Variants in TENM3 observed in about 807,000 individuals in gnomAD.
TENM3 encodes teneurin transmembrane protein 3.
TENM3 carries 63 observed loss-of-function variants against 255.1 expected under a neutral mutation model. The observed-to-expected ratio is 0.25, with a 90% CI of 0.20 to 0.30. TENM3 has a LOEUF of 0.30. Among genes scored for constraint, TENM3 ranks in the 10% least tolerant of loss-of-function variants. The pLI, the probability that TENM3 is intolerant of heterozygous loss-of-function variation, is 1.00. For synonymous variants in TENM3, 1,306 were observed against 1,322.3 expected (o/e 0.99, Z 0.27); for missense variants, 2,929 against 3,461.1 (o/e 0.85, Z 3.86).
upstream of TENM3, among the ~76,000 whole-genome samples, chr4:182,241,298 T>C (rs1424814690): frequency 6.6e-6 from 1 of 152,172 alleles, no homozygotes; most frequent in African/African-American, 2.4e-5. Flanking sequence ...CTGACAATGC[T>C]TTCTTCTGAT....
chr4:181,939,535 G>T, the TENM3 span, among the ~76,000 whole-genome samples: 1 of 152,322 alleles, frequency 6.6e-6, no homozygotes, highest in African/African-American at 2.4e-5. Flanking sequence ...AGGGCAAAAC[G>T]GTAAGATCGG....
chr4:181,468,132 C>CA, the TENM3 span, among the ~76,000 whole-genome samples: 321 of 130,720 alleles, frequency 2.5e-3, 2 homozygotes, highest in East Asian at 0.014. Flanking sequence ...CCCATCTGTA[C>CA]AAAAAAAAAA....
the TENM3 span, among the ~76,000 whole-genome samples, chr4:181,628,645 G>A: frequency 6.6e-6 from 1 of 152,156 alleles, no homozygotes; most frequent in Non-Finnish European, 1.5e-5. Context: ...GATGGTTGTA[G>A]ATGTGTGGTA....
the TENM3 span, among the ~76,000 whole-genome samples, chr4:181,890,372 A>G: frequency 1.3e-5 from 2 of 152,174 alleles, no homozygotes; most frequent in African/African-American, 4.8e-5. Context: ...CACTTAATTT[A>G]AAGGAGTACT....
At chr4:181,601,068 A>G in the TENM3 span, among the ~76,000 whole-genome samples, 1 of 152,144 alleles carries the variant, frequency 6.6e-6, no homozygotes, top group African/African-American at 2.4e-5. Context: ...GCCTTGATCT[A>G]AGAGCAATAC....
chr4:182,536,795 A>C (rs1740373191), intron 3 of TENM3, among the ~76,000 whole-genome samples: 1 of 152,224 alleles, frequency 6.6e-6, no homozygotes, highest in Non-Finnish European at 1.5e-5. Flanking sequence ...TATCCATGAA[A>C]ATCTCATCTG....
intron 3 of TENM3, among the ~76,000 whole-genome samples, chr4:182,582,055 G>A (rs1372107837): frequency 1.3e-5 from 2 of 152,102 alleles, no homozygotes; most frequent in East Asian, 3.9e-4. Context: ...TTTCATCTCT[G>A]TTCCCCTATT....
At chr4:181,483,374 A>G in the TENM3 span, among the ~76,000 whole-genome samples, 3 of 152,278 alleles carry the variant, frequency 2.0e-5, no homozygotes, top group Admixed American at 2.0e-4. Flanking sequence ...AGCGAACATC[A>G]TCAGAAAGGA....
At chr4:181,595,594 A>G in the TENM3 span, among the ~76,000 whole-genome samples, 1 of 152,054 alleles carries the variant, frequency 6.6e-6, no homozygotes, top group Non-Finnish European at 1.5e-5. Flanking sequence ...TGAACCAAAA[A>G]TGGTGTTTTA....
chr4:182,017,649 T>C, the TENM3 span, among the ~76,000 whole-genome samples: 1 of 152,306 alleles, frequency 6.6e-6, no homozygotes, highest in African/African-American at 2.4e-5. Flanking sequence ...AGTCCCATAC[T>C]ATAAAATAAT....
the TENM3 span, among the ~76,000 whole-genome samples, chr4:181,734,390 G>T: frequency 6.6e-5 from 10 of 151,832 alleles, no homozygotes; most frequent in Non-Finnish European, 1.2e-4. Context: ...GAATAAATAC[G>T]TGTGTGAATG....
At chr4:181,691,224 C>A in the TENM3 span, among the ~76,000 whole-genome samples, 43 of 141,568 alleles carry the variant, frequency 3.0e-4, no homozygotes, top group Non-Finnish European at 6.2e-4. Context: ...TTCAAAGTGA[C>A]AAATATGATC....
At chr4:181,894,103 G>A in the TENM3 span, among the ~76,000 whole-genome samples, 1 of 152,054 alleles carries the variant, frequency 6.6e-6, no homozygotes, top group African/African-American at 2.4e-5. Flanking sequence ...CAAAGAGAAT[G>A]TCACCAGCTA....
the TENM3 span, among the ~76,000 whole-genome samples, chr4:181,670,841 T>C: frequency 6.6e-6 from 1 of 152,192 alleles, no homozygotes; most frequent in African/African-American, 2.4e-5. Context: ...ATTTGAAATA[T>C]TTTATTATAA....
At chr4:182,718,934 A>G (rs1189351315) in intron 13 of TENM3, among the ~76,000 whole-genome samples, 1 of 152,202 alleles carries the variant, frequency 6.6e-6, no homozygotes, top group Non-Finnish European at 1.5e-5. Flanking sequence ...TGGAAACTTA[A>G]GATACTTTTT....
chr4:182,484,668 C>T (rs977458503), intron 3 of TENM3, among the ~76,000 whole-genome samples: 2 of 152,030 alleles, frequency 1.3e-5, no homozygotes, highest in Admixed American at 6.6e-5. Flanking sequence ...GAAAAGCTGT[C>T]GTGTTATTTC....
chr4:181,636,206 C>T, the TENM3 span, among the ~76,000 whole-genome samples: 11 of 152,060 alleles, frequency 7.2e-5, no homozygotes, highest in East Asian at 3.9e-4. Flanking sequence ...CCACCACATC[C>T]GGCTAATTTT....
chr4:181,582,304 A>T, the TENM3 span, among the ~76,000 whole-genome samples: 1 of 152,120 alleles, frequency 6.6e-6, no homozygotes, highest in African/African-American at 2.4e-5. Context: ...GAGAGAAAAA[A>T]AAAATCATTT....
intron 3 of TENM3, among the ~76,000 whole-genome samples, chr4:182,504,821 C>G (rs1472472771): frequency 6.6e-6 from 1 of 152,184 alleles, no homozygotes; most frequent in African/African-American, 2.4e-5. Context: ...TATTCATAGT[C>G]TTAGACTTTG....
Sources: gnomAD v4.1 joint callset for allele counts (sites outside exome capture counted in the v4.1 genomes callset) on GRCh38, gnomAD v4.1.1 for gene constraint, MANE v1.5 for transcripts, NCBI Gene and HGNC (gene_info 2026-07-23, HGNC 2026-07-21) for gene names.